Variants in FGD4 observed in about 807,000 individuals in gnomAD.
The protein encoded by FGD4 is FYVE, RhoGEF and PH domain containing 4.
Under a neutral mutation model 102.0 loss-of-function variants are expected in FGD4, and 42 were observed. That is an observed-to-expected ratio of 0.41 (90% CI 0.32 to 0.53). The LOEUF (loss-of-function observed/expected upper bound fraction) is 0.53, where lower values mean the gene tolerates loss of function less well. Ranked by LOEUF, FGD4 falls within the 20% of genes least tolerant of loss-of-function variation. FGD4 has a pLI of 0.21. For missense variants in FGD4, 902 were observed against 1,078.2 expected (o/e 0.84, Z 2.29); for synonymous variants, 380 against 375.7 (o/e 1.01, Z -0.13).
intron 1 of FGD4, among the ~76,000 whole-genome samples, chr12:32,548,001 C>T (rs564826709): frequency 3.3e-5 from 5 of 152,250 alleles, no homozygotes; most frequent in South Asian, 2.1e-4. Flanking sequence ...CCACTGCACC[C>T]GGCCTCAAGT....
At chr12:32,559,098 A>C (rs1477527783) in intron 1 of FGD4, among the ~76,000 whole-genome samples, 1 of 152,250 alleles carries the variant, frequency 6.6e-6, no homozygotes, top group Non-Finnish European at 1.5e-5. Context: ...GAGTTAATGT[A>C]AAACTTCTTG....
Position 32,582,296 on chromosome 12 carries a change from A to C in FGD4, c.840A>C (p.Thr280=), listed in dbSNP as rs1181643155. The stretch of plus-strand genomic sequence containing the variant: ...CTGCCACAGCTCCTGCATCACCCAC[A>C]ACAGACAGCTGTGATGGAAATGCTT... ...DETATAPASP[T]TDSCDGNASD... Residue 280 remains threonine, a synonymous_variant, in exon 4 of 17, where the codon ACA becomes ACC. Coordinates refer to ENST00000534526, the MANE Select transcript of FGD4 (RefSeq NM_001370298.3). The C allele has an allele frequency of 3.7e-6, 6 of 1,614,118 alleles. No homozygotes were observed. In the African/African-American group the frequency reaches 8.0e-5, roughly 22 times the overall value.
intron 1 of FGD4, among the ~76,000 whole-genome samples, chr12:32,508,865 T>C (rs1227758592): frequency 6.6e-6 from 1 of 152,250 alleles, no homozygotes; most frequent in Non-Finnish European, 1.5e-5. Context: ...CACATGAGCA[T>C]TGGGTCAGAT....
chr12:32,507,592 C>T (rs1049881582), intron 1 of FGD4, among the ~76,000 whole-genome samples: 8 of 152,290 alleles, frequency 5.3e-5, no homozygotes, highest in African/African-American at 1.7e-4. Context: ...GACTTAATCC[C>T]GAATGTGTGT....
chr12:32,480,168 T>G (rs1383467373), intron 1 of FGD4, among the ~76,000 whole-genome samples: 2 of 150,298 alleles, frequency 1.3e-5, no homozygotes, highest in African/African-American at 2.4e-5. Context: ...TTTTTTTGTT[T>G]TTTTTGTTTT....
At chr12:32,559,444 A>G (rs1420974479) in intron 1 of FGD4, among the ~76,000 whole-genome samples, 1 of 152,132 alleles carries the variant, frequency 6.6e-6, no homozygotes, top group African/African-American at 2.4e-5. Flanking sequence ...TGTTTTTTTA[A>G]ACAAATGTTT....
chr12:32,554,915 C>T (rs1022498431), intron 1 of FGD4, among the ~76,000 whole-genome samples: 4 of 152,224 alleles, frequency 2.6e-5, no homozygotes. Flanking sequence ...AGGCCAGATC[C>T]TATAGAGCTT....
chr12:32,486,179 TC>T, intron 1 of FGD4: 1 of 1,521,650 alleles, frequency 6.6e-7, no homozygotes, highest in Non-Finnish European at 8.8e-7. Context: ...TTCTGAAATA[TC>T]TCAGGTTAAA....
intron 1 of FGD4, among the ~76,000 whole-genome samples, chr12:32,547,783 T>C (rs924227279): frequency 1.3e-5 from 2 of 152,240 alleles, no homozygotes; most frequent in Non-Finnish European, 2.9e-5. Flanking sequence ...CTCTGCTCAC[T>C]ACAATCTCCG....
intron 12 of FGD4, 95 bp downstream of exon 12, chr12:32,624,547 C>A: frequency 9.6e-7 from 1 of 1,040,724 alleles, no homozygotes; most frequent in Non-Finnish European, 1.4e-6. Flanking sequence ...GATCATGTCT[C>A]ACTGCAGCCT....
Position 32,518,499 on chromosome 12 carries a change from C to G in FGD4, c.167-45638C>G, listed in dbSNP as rs527505100. Among the ~76,000 whole-genome samples, 307 of 152,216 alleles carry G rather than the reference C, an allele frequency of 2.0e-3. 2 individuals are homozygous for G. Among genetic ancestry groups the G allele is most frequent in the African/African-American group, 7.1e-3 (296 of 41,540 alleles). On this transcript the variant is annotated intron_variant, in intron 1 of 16. Coordinates refer to ENST00000534526, the MANE Select transcript of FGD4 (RefSeq NM_001370298.3). ...ATCTCAAAAAACAACAACAAAAAAC[C>G]AGCCCTGGCATTCCTAATATTTTTG...
intron 1 of FGD4, among the ~76,000 whole-genome samples, chr12:32,487,085 G>A (rs1311440964): frequency 6.6e-6 from 1 of 152,078 alleles, no homozygotes; most frequent in Non-Finnish European, 1.5e-5. Context: ...ACACTATTCT[G>A]TTACAGGTAC....
intron 14 of FGD4, among the ~76,000 whole-genome samples, chr12:32,628,581 C>T (rs1950312787): frequency 6.6e-6 from 1 of 152,062 alleles, no homozygotes; most frequent in Non-Finnish European, 1.5e-5. Flanking sequence ...GGTCGATCTC[C>T]TGAGGTCGGG....
At chr12:32,620,791 G>A (rs903077697) in intron 11 of FGD4, among the ~76,000 whole-genome samples, 14 of 145,490 alleles carry the variant, frequency 9.6e-5, no homozygotes, top group Admixed American at 6.4e-4. Flanking sequence ...TCCGCCTCCC[G>A]GGTTCACGCC....
chr12:32,572,048 G>A (rs767887919), intron 2 of FGD4, among the ~76,000 whole-genome samples: 9 of 152,010 alleles, frequency 5.9e-5, no homozygotes, highest in Non-Finnish European at 1.0e-4. Context: ...CTGTGTGACA[G>A]AGCAAGACCA....
intron 1 of FGD4, among the ~76,000 whole-genome samples, chr12:32,518,647 C>A (rs974432485): frequency 6.6e-6 from 1 of 152,140 alleles, no homozygotes; most frequent in Non-Finnish European, 1.5e-5. Context: ...GTTTTTGTGT[C>A]CATGGCATTT....
At chr12:32,624,131 C>T (rs925065419) in intron 11 of FGD4, among the ~76,000 whole-genome samples, 10 of 152,110 alleles carry the variant, frequency 6.6e-5, no homozygotes, top group African/African-American at 2.4e-4. Context: ...GCTATAGATA[C>T]AGTTACCTGA....
chr12:32,550,683 A>AAAG (rs1943583998), intron 1 of FGD4, among the ~76,000 whole-genome samples: 1 of 146,778 alleles, frequency 6.8e-6, no homozygotes, highest in African/African-American at 2.5e-5. Flanking sequence ...AAAAAAAAAA[A>AAAG]AAAAAAAAGA....
At chr12:32,626,778 C>T (rs577729594) in intron 14 of FGD4, among the ~76,000 whole-genome samples, 2 of 152,084 alleles carry the variant, frequency 1.3e-5, no homozygotes, top group African/African-American at 2.4e-5. Context: ...GGTAAGTTGG[C>T]GTTTTTGTTG....
Sources: allele counts gnomAD v4.1 joint callset (sites outside exome capture counted in the v4.1 genomes callset), GRCh38; gene constraint gnomAD v4.1.1; transcripts MANE v1.5; gene names NCBI Gene and HGNC (gene_info 2026-07-23, HGNC 2026-07-21).